PSD3: variants seen among roughly 807,000 people sequenced by gnomAD.
The protein encoded by PSD3 is pleckstrin and Sec7 domain containing 3.
PSD3 carries 49 observed loss-of-function variants against 105.5 expected under a neutral mutation model. That is an observed-to-expected ratio of 0.46 (90% CI 0.37 to 0.59). The LOEUF is 0.59. Among genes scored for constraint, PSD3 ranks in the 20% least tolerant of loss-of-function variants. The pLI, the probability that PSD3 is intolerant of heterozygous loss-of-function variation, is 0.00. For synonymous variants in PSD3, 557 were observed against 457.8 expected (o/e 1.22, Z -2.77); for missense variants, 1,561 against 1,263.8 (o/e 1.24, Z -3.57).
chr8:18,622,959 A>C (rs1255657125), intron 11 of PSD3, among the ~76,000 whole-genome samples: 2 of 152,244 alleles, frequency 1.3e-5, no homozygotes, highest in African/African-American at 4.8e-5. Flanking sequence ...AAATGTGAGT[A>C]ACCAAAATTC....
intron 1 of PSD3, among the ~76,000 whole-genome samples, chr8:19,003,207 T>C (rs1826491916): frequency 6.6e-6 from 1 of 152,024 alleles, no homozygotes; most frequent in South Asian, 2.1e-4. Flanking sequence ...ACACAGAATA[T>C]CCTTTAAGAG....
At chr8:18,635,525 A>G (rs1807188949) in intron 10 of PSD3, among the ~76,000 whole-genome samples, 1 of 152,100 alleles carries the variant, frequency 6.6e-6, no homozygotes, top group South Asian at 2.1e-4. Flanking sequence ...TCCTACTTCT[A>G]TTTATTAAAA....
intron 15 of PSD3, among the ~76,000 whole-genome samples, chr8:18,543,380 C>A (rs553806344): frequency 6.6e-6 from 1 of 151,958 alleles, no homozygotes; most frequent in Non-Finnish European, 1.5e-5. Context: ...TTTGGGAGGC[C>A]GAGGCAGGCG....
intron 9 of PSD3, among the ~76,000 whole-genome samples, chr8:18,706,559 C>T (rs754621533): frequency 6.6e-6 from 1 of 152,226 alleles, no homozygotes; most frequent in South Asian, 2.1e-4. Context: ...TAGAAGAGCA[C>T]TGGTGGTGCC....
intron 11 of PSD3, among the ~76,000 whole-genome samples, chr8:18,620,815 T>C (rs934870170): frequency 1.3e-5 from 2 of 152,250 alleles, no homozygotes; most frequent in African/African-American, 4.8e-5. Context: ...TTAATTCCTT[T>C]AGGAAACTAG....
chr8:18,798,630 A>G (rs1810398485), intron 8 of PSD3, among the ~76,000 whole-genome samples: 1 of 152,192 alleles, frequency 6.6e-6, no homozygotes, highest in African/African-American at 2.4e-5. Flanking sequence ...TCAAAATACA[A>G]TCAGAATTCG....
intron 10 of PSD3, among the ~76,000 whole-genome samples, chr8:18,652,086 T>C (rs1451874241): frequency 6.6e-6 from 1 of 152,058 alleles, no homozygotes; most frequent in African/African-American, 2.4e-5. Context: ...TCAAAGATGA[T>C]GTAAAGGCTA....
Position 18,904,444 on chromosome 8 carries a change from T to C in PSD3, c.130+31590A>G, listed in dbSNP as rs76981250. ...TTCAGCGGATCACCCTTTGTACCAG[T>C]GTACCCAGGATACAAGACATGGCGT... On this transcript the variant is annotated intron_variant, in intron 2 of 15. Coordinates refer to ENST00000327040, the MANE Select transcript of PSD3 (RefSeq NM_015310.4). 5.9e-4 allele frequency among the ~76,000 whole-genome samples: 90 copies of C among 152,272 alleles called. No individual in the cohort carries two copies. In the East Asian group the frequency reaches 0.014, roughly 24 times the overall value.
At chr8:18,861,340 G>C (rs760631344) in intron 4 of PSD3, among the ~76,000 whole-genome samples, 2 of 151,372 alleles carry the variant, frequency 1.3e-5, no homozygotes, top group African/African-American at 4.9e-5. Flanking sequence ...GCTCCTGTGT[G>C]AGCCCCTCCT....
intron 4 of PSD3, among the ~76,000 whole-genome samples, chr8:18,819,606 TCTCA>T (rs1812518127): frequency 8.5e-6 from 1 of 118,186 alleles, no homozygotes; most frequent in Non-Finnish European, 1.7e-5. Flanking sequence ...TGAGATGGAG[TCTCA>T]CTCTGTCGCT....
chr8:18,729,488 C>T (rs1382036431), intron 9 of PSD3, among the ~76,000 whole-genome samples: 3 of 152,226 alleles, frequency 2.0e-5, no homozygotes, highest in East Asian at 3.9e-4. Context: ...TGCAGTTCTC[C>T]TAAGAACATG....
chr8:18,665,800 G>GTGATC (rs1428819403), intron 9 of PSD3, among the ~76,000 whole-genome samples: 1 of 152,192 alleles, frequency 6.6e-6, no homozygotes, highest in East Asian at 1.9e-4. Flanking sequence ...GCAGTGAGCT[G>GTGATC]TGATCGTGCC....
chr8:18,737,480 T>A (rs2129433336), intron 9 of PSD3, among the ~76,000 whole-genome samples: 1 of 152,148 alleles, frequency 6.6e-6, no homozygotes, highest in South Asian at 2.1e-4. Flanking sequence ...TTAAATATAT[T>A]TTTGTAGAGA....
chr8:18,661,384 G>A (rs1013140425), intron 9 of PSD3, among the ~76,000 whole-genome samples: 1 of 152,100 alleles, frequency 6.6e-6, no homozygotes, highest in Non-Finnish European at 1.5e-5. Context: ...AATTAAATAT[G>A]CACCACTCTG....
intron 14 of PSD3, among the ~76,000 whole-genome samples, chr8:18,566,876 G>C (rs1801802899): frequency 6.6e-6 from 1 of 152,148 alleles, no homozygotes; most frequent in African/African-American, 2.4e-5. Context: ...TCCAGTGTAA[G>C]TCATCTGTTA....
intron 9 of PSD3, among the ~76,000 whole-genome samples, chr8:18,751,900 C>T (rs1047368766): frequency 1.2e-4 from 18 of 148,454 alleles, no homozygotes; most frequent in East Asian, 3.9e-4. Flanking sequence ...GGGATCTGGA[C>T]GCGGTGGCTC....
At chr8:18,694,916 T>C (rs718417) in intron 9 of PSD3, among the ~76,000 whole-genome samples, 17,053 of 152,126 alleles carry the variant, frequency 0.11, 2,563 homozygotes, top group African/African-American at 0.34. Context: ...GGAGGAAAAT[T>C]ATAGCATAAA....
chr8:18,826,278 T>C lies in PSD3; in HGVS notation c.1635-21380A>G, dbSNP rs183058598. 1.4e-3 allele frequency among the ~76,000 whole-genome samples: 208 copies of C among 152,338 alleles called. 1 individual carries two copies. Among genetic ancestry groups the C allele is most frequent in the African/African-American group, 4.9e-3 (203 of 41,574 alleles). ...CGCAGATGGCCGATCGTGGGACTTCTTGGCCTCCGTAATCACGTGAACCAA... is the reference window on the plus strand; with the variant it reads ...CGCAGATGGCCGATCGTGGGACTTCCTGGCCTCCGTAATCACGTGAACCAA... On this transcript the variant is annotated intron_variant, in intron 4 of 15. Transcript: ENST00000327040.
chr8:18,927,037 T>C (rs903843673), intron 2 of PSD3, among the ~76,000 whole-genome samples: 4 of 152,058 alleles, frequency 2.6e-5, no homozygotes, highest in African/African-American at 9.7e-5. Flanking sequence ...CAGGGAAACA[T>C]TTACTTACAT....
Sources: gnomAD v4.1 joint callset for allele counts (sites outside exome capture counted in the v4.1 genomes callset) on GRCh38, gnomAD v4.1.1 for gene constraint, MANE v1.5 for transcripts, NCBI Gene and HGNC (gene_info 2026-07-23, HGNC 2026-07-21) for gene names.